CHRM3: variants seen among roughly 807,000 people sequenced by gnomAD.
The protein encoded by CHRM3 is muscarinic acetylcholine receptor M3.
Under a neutral mutation model 41.8 loss-of-function variants are expected in CHRM3, and 11 were observed. That is an observed-to-expected ratio of 0.26 (90% confidence interval 0.17 to 0.44). CHRM3 has a LOEUF of 0.44. Ranked by LOEUF, CHRM3 falls within the 20% of genes least tolerant of loss-of-function variation. CHRM3 has a pLI of 1.00. For synonymous variants in CHRM3, 297 were observed against 301.4 expected (o/e 0.99, Z 0.15); for missense variants, 571 against 745.4 (o/e 0.77, Z 2.72).
chr1:239,532,701 ATGTAATGAAAAC>A (rs1316874182), intron 2 of CHRM3, among the ~76,000 whole-genome samples: 2 of 152,028 alleles, frequency 1.3e-5, no homozygotes, highest in Non-Finnish European at 2.9e-5. Flanking sequence ...AAATAGAAAA[ATGTAATGAAAAC>A]TAGATTAAGT....
chr1:239,496,022 T>C (rs1412285009), intron 2 of CHRM3, among the ~76,000 whole-genome samples: 1 of 152,174 alleles, frequency 6.6e-6, no homozygotes, highest in East Asian at 1.9e-4. Flanking sequence ...TCCTGGTATC[T>C]AAAGCTTAAG....
chr1:239,630,788 T>TACAC (rs1440070932), intron 3 of CHRM3, among the ~76,000 whole-genome samples: 2 of 152,120 alleles, frequency 1.3e-5, no homozygotes, highest in African/African-American at 4.8e-5. Flanking sequence ...CATGGTCACT[T>TACAC]ACACCCTCAA....
chr1:239,624,452 C>T (rs1264054858), intron 3 of CHRM3, among the ~76,000 whole-genome samples: 9 of 85,826 alleles, frequency 1.0e-4, no homozygotes, highest in South Asian at 6.3e-4. Context: ...TGTAGGTTGC[C>T]TGTTCACTCT....
chr1:239,543,922 G>A (rs896419914), intron 2 of CHRM3, among the ~76,000 whole-genome samples: 9 of 152,284 alleles, frequency 5.9e-5, no homozygotes, highest in Admixed American at 3.9e-4. Context: ...AGCCAGAGAC[G>A]ATATGTAAAT....
At chr1:239,529,929 G>A (rs188686089) in intron 2 of CHRM3, among the ~76,000 whole-genome samples, 2 of 151,708 alleles carry the variant, frequency 1.3e-5, no homozygotes, top group East Asian at 2.0e-4. Context: ...ACAGAGTCTC[G>A]CTCTGTCGCC....
intron 2 of CHRM3, among the ~76,000 whole-genome samples, chr1:239,511,184 C>T (rs553279835): frequency 3.3e-5 from 5 of 152,212 alleles, no homozygotes; most frequent in East Asian, 1.9e-4. Context: ...GATTGCATGT[C>T]GTCTTATTTT....
chr1:239,513,702 A>T (rs749589904), intron 2 of CHRM3, among the ~76,000 whole-genome samples: 1 of 152,178 alleles, frequency 6.6e-6, no homozygotes, highest in Non-Finnish European at 1.5e-5. Context: ...AGCAATTGCC[A>T]TATCCAAGGT....
At chr1:239,595,818 A>G (rs1308799838) in intron 3 of CHRM3, among the ~76,000 whole-genome samples, 2 of 152,228 alleles carry the variant, frequency 1.3e-5, no homozygotes, top group African/African-American at 2.4e-5. Flanking sequence ...GTGCCAAAAT[A>G]TAGCTCCATT....
intron 5 of CHRM3, among the ~76,000 whole-genome samples, chr1:239,784,120 T>C (rs643040): frequency 0.58 from 87,534 of 152,028 alleles, 27,003 homozygotes; most frequent in African/African-American, 0.81. Context: ...GATGCTTTCT[T>C]GTAAAGTTTC....
chr1:239,668,095 T>TTC (rs1674001059), intron 4 of CHRM3, among the ~76,000 whole-genome samples: 1 of 130,928 alleles, frequency 7.6e-6, no homozygotes, highest in East Asian at 2.2e-4. Flanking sequence ...CTTTCTTTTT[T>TTC]TTTTTTTTTT....
chr1:239,567,024 G>T (rs1047417914), intron 3 of CHRM3, among the ~76,000 whole-genome samples: 2 of 152,092 alleles, frequency 1.3e-5, no homozygotes, highest in Non-Finnish European at 2.9e-5. Context: ...GGATTGAATG[G>T]AGCAATCATA....
chr1:239,862,311 A>C (rs1418943704), intron 6 of CHRM3, among the ~76,000 whole-genome samples: 1 of 152,228 alleles, frequency 6.6e-6, no homozygotes, highest in African/African-American at 2.4e-5. Context: ...ATGTCAGAAA[A>C]TTGAAGCATC....
chr1:239,407,417 T>TATAGAGAGAGAGAGAG, intron 1 of CHRM3, among the ~76,000 whole-genome samples: 1 of 134,188 alleles, frequency 7.5e-6, no homozygotes, highest in Non-Finnish European at 1.7e-5. Flanking sequence ...TATATATATA[T>TATAGAGAGAGAGAGAG]AGAGAGAGAG....
At chr1:239,535,009 GTGAGAAAGAGTCCC>G (rs1433423480) in intron 2 of CHRM3, among the ~76,000 whole-genome samples, 11 of 152,330 alleles carry the variant, frequency 7.2e-5, no homozygotes, top group African/African-American at 2.2e-4. Flanking sequence ...ACATATAGTA[GTGAGAAAGAGTCCC>G]TGCCCTCAGG....
intron 4 of CHRM3, among the ~76,000 whole-genome samples, chr1:239,651,790 G>C (rs1672259896): frequency 6.6e-6 from 1 of 152,038 alleles, no homozygotes; most frequent in Non-Finnish European, 1.5e-5. Context: ...CTCACTTCAA[G>C]GACAGTTAAA....
intron 1 of CHRM3, among the ~76,000 whole-genome samples, chr1:239,413,226 C>T (rs1369101915): frequency 6.6e-6 from 1 of 152,162 alleles, no homozygotes. Flanking sequence ...AAGGCAAGCT[C>T]CTTTTCCATG....
chr1:239,864,219 T>G (rs1675885492), intron 6 of CHRM3, among the ~76,000 whole-genome samples: 1 of 151,972 alleles, frequency 6.6e-6, no homozygotes, highest in Non-Finnish European at 1.5e-5. Context: ...GAAAGGTATA[T>G]GTATAGGCCG....
chr1:239,509,425 G>C (rs570541254), intron 2 of CHRM3, among the ~76,000 whole-genome samples: 1 of 152,000 alleles, frequency 6.6e-6, no homozygotes, highest in Admixed American at 6.6e-5. Context: ...CTATCCAATG[G>C]CATCCATGCA....
intron 1 of CHRM3, among the ~76,000 whole-genome samples, chr1:239,491,862 TG>T (rs1426114276): frequency 6.6e-6 from 1 of 152,332 alleles, no homozygotes; most frequent in East Asian, 1.9e-4. Context: ...TAAACCCTTC[TG>T]GGTTGTTTTG....
Sources: allele counts gnomAD v4.1 joint callset (sites outside exome capture counted in the v4.1 genomes callset), GRCh38; gene constraint gnomAD v4.1.1; transcripts MANE v1.5; gene names NCBI Gene and HGNC (gene_info 2026-07-23, HGNC 2026-07-21).